The following CYP51A1 variants were observed in gnomAD, a reference collection of about 807,000 sequenced individuals.
CYP51A1 encodes lanosterol 14-alpha demethylase.
In CYP51A1, 45 loss-of-function variants were observed where a neutral mutation model predicts 53.5. That is an observed-to-expected ratio of 0.84 (90% CI 0.66 to 1.08). The LOEUF (loss-of-function observed/expected upper bound fraction) is 1.08. Among genes scored for constraint, CYP51A1 ranks in the 50% least tolerant of loss-of-function variants. CYP51A1 has a pLI of 0.00. For synonymous variants in CYP51A1, 181 were observed against 217.7 expected (o/e 0.83, Z 1.48); for missense variants, 462 against 621.7 (o/e 0.74, Z 2.73).
chr7:92,114,293 A>T (rs1819536571), intron 9 of CYP51A1, among the ~76,000 whole-genome samples: 1 of 152,196 alleles, frequency 6.6e-6, no homozygotes, highest in Non-Finnish European at 1.5e-5. Context: ...AGTCACACCC[A>T]TGTAGAAACT....
rs370995334 is a variant in CYP51A1 at position 92,117,288 on chromosome 7, A to T, written c.1183-76T>A. On this transcript the variant is annotated intron_variant, in intron 8 of 9. Coordinates refer to ENST00000003100, the MANE Select transcript of CYP51A1 (RefSeq NM_000786.4). ...AAATAATCAGATCATTGTGTAATAAAGCATGAATATACATGGGATACTCAG... is the reference window on the plus strand; with the variant it reads ...AAATAATCAGATCATTGTGTAATAATGCATGAATATACATGGGATACTCAG... 21 of 1,304,100 alleles carry T rather than the reference A, an allele frequency of 1.6e-5. 1 individual carries two copies. In the African/African-American group the frequency reaches 3.1e-4, roughly 19 times the overall value. The allele number at this position is 1,304,100 out of a possible 1,614,324, so 80.8% of individuals were successfully genotyped here.
chr7:92,120,292 G>T (rs1001360225), intron 7 of CYP51A1, among the ~76,000 whole-genome samples: 1 of 152,156 alleles, frequency 6.6e-6, no homozygotes, highest in South Asian at 2.1e-4. Flanking sequence ...AAAGGGACTA[G>T]GAGTAGATAA....
intron 7 of CYP51A1, 91 bp from the exon 8 acceptor site, chr7:92,118,706 C>T: frequency 1.3e-6 from 1 of 740,832 alleles, no homozygotes; most frequent in East Asian, 2.6e-5. Flanking sequence ...TACAAGACAG[C>T]TTGCATTCCA....
chr7:92,128,428 C>CTCTGTGTGTGTGTGTG lies in CYP51A1; in HGVS notation c.468+451_468+452insCACACACACACACAGA, dbSNP rs112952169. Among the ~76,000 whole-genome samples the CTCTGTGTGTGTGTGTG allele has an allele frequency of 5.8e-3, 824 of 143,106 alleles. 20 individuals are homozygous for CTCTGTGTGTGTGTGTG. The highest frequency in any genetic ancestry group is 0.019 in the African/African-American group (742 of 38,652). 93.9% of individuals were successfully genotyped at this position (143,106 alleles called of 152,430 possible). A position where few individuals can be genotyped will look rare whatever the true frequency, so the allele number is the denominator to read the frequency against. On this transcript the variant is annotated intron_variant, in intron 3 of 9. Coordinates refer to ENST00000003100, the MANE Select transcript of CYP51A1 (RefSeq NM_000786.4). ...TATTACATTTTTGTTTGGTTGGTTT[C>CTCTGTGTGTGTGTGTG]TGTGTGTGTGTGTGTGTGTGTGTGT... is the stretch of plus-strand genomic sequence containing the variant.
At position 92,123,203 on chromosome 7, in the gene CYP51A1, T is replaced by C; in HGVS notation, c.1003A>G (p.Arg335Gly). 6.2e-7 allele frequency: 1 copy of C among 1,614,046 alleles called. No homozygotes were observed. Among genetic ancestry groups the C allele is most frequent in the South Asian group, 1.1e-5 (1 of 91,082 alleles). The change falls in exon 7 of 10, where the codon AGA becomes GGA. Residue 335 changes from arginine to glycine, a missense_variant. Transcript: ENST00000003100. ...CATTTTTTTTGAAGTGTTTTGTCTC[T>C]GGCCAAAAAGAAGCCCATCCAAGCA... ...TSAWMGFFLA[R>G]DKTLQKKCYL...
rs1819731671 is a variant in CYP51A1, at chr7:92,123,436, T to A, written c.891-121A>T. ...GGTATAGTGGTCTCTTATATTTGAC[T>A]ATCACAAGTCAAGAGTTTTTTTTCT... is the stretch of plus-strand genomic sequence containing the variant. On this transcript the variant is annotated intron_variant, in intron 6 of 9. Coordinates refer to ENST00000003100, the MANE Select transcript of CYP51A1 (RefSeq NM_000786.4). 5 of 917,120 alleles carry A rather than the reference T, an allele frequency of 5.5e-6. No individual in the cohort carries two copies. The South Asian group carries it at 7.1e-5, about 13-fold the overall frequency. The allele number at this position is 917,120 out of a possible 1,614,324, so 56.8% of individuals were successfully genotyped here.
chr7:92,123,939 TA>T lies in CYP51A1; in HGVS notation c.771-87del, dbSNP rs1819743896. 7.0e-6 allele frequency: 8 copies of T among 1,145,360 alleles called. 1 individual carries two copies. Among genetic ancestry groups the T allele is most frequent in the Admixed American group, 2.9e-5 (1 of 33,974 alleles). The allele number at this position is 1,145,360 out of a possible 1,614,324, so 70.9% of individuals were successfully genotyped here. On this transcript the variant is annotated intron_variant, in intron 5 of 9. Coordinates refer to ENST00000003100, the MANE Select transcript of CYP51A1 (RefSeq NM_000786.4). ...TCATTTTGAGAACCAGGACCGAGCATAAAGCATCTTATTTAACCAACTTTAA... is the reference window on the plus strand; with the variant it reads ...TCATTTTGAGAACCAGGACCGAGCATAAGCATCTTATTTAACCAACTTTAA...
rs1819514113 is a variant in CYP51A1, at chr7:92,113,652, C to T, written c.*13G>A. On this transcript the variant is annotated 3_prime_UTR_variant, in exon 10 of 10. Coordinates refer to ENST00000003100, the MANE Select transcript of CYP51A1 (RefSeq NM_000786.4). ...CAGTGATAATCACATATATTCGTTC[C>T]TTGCAACCTTTTTCATTTTGATCTT... 1.2e-6 allele frequency: 2 copies of T among 1,610,302 alleles called. No individual in the cohort carries two copies. The highest frequency in any genetic ancestry group is 1.7e-6 in the Non-Finnish European group (2 of 1,178,914).
chr7:92,113,966 C>T (rs745475198), intron 9 of CYP51A1, 123 bp from the exon 10 acceptor site: 1 of 602,806 alleles, frequency 1.7e-6, no homozygotes, highest in Non-Finnish European at 2.8e-6. Flanking sequence ...AAAAAGATGA[C>T]ATTCTTTTCA....
chr7:92,134,095 A>T, intron 1 of CYP51A1, 78 bp downstream of exon 1: 2 of 1,444,174 alleles, frequency 1.4e-6, no homozygotes, highest in Admixed American at 1.9e-5. Context: ...GGTCGGGGCC[A>T]CGGAGCCGCC....
rs372552273 is a variant in CYP51A1 at position 92,131,889 on chromosome 7, T to A, written c.193-17A>T. The A allele has an allele frequency of 1.6e-4, 224 of 1,407,720 alleles. 1 individual carries two copies. In the African/African-American group the frequency reaches 2.9e-3, roughly 18 times the overall value. The allele number at this position is 1,407,720 out of a possible 1,614,324, so 87.2% of individuals were successfully genotyped here. Reference sequence around the variant, plus strand: ...AGGACTTTTCTACAAGAGAAAAAAATAGTAAATTCAATTCGTGTTTCATTT... The same window carrying A: ...AGGACTTTTCTACAAGAGAAAAAAAAAGTAAATTCAATTCGTGTTTCATTT... On this transcript the variant is annotated splice_polypyrimidine_tract_variant and intron_variant, in intron 1 of 9. Coordinates refer to ENST00000003100, the MANE Select transcript of CYP51A1 (RefSeq NM_000786.4).
chr7:92,117,199 T>C lies in CYP51A1; in HGVS notation c.1196A>G (p.Tyr399Cys). 6.2e-7 allele frequency: 1 copy of C among 1,613,052 alleles called. No homozygotes were observed. Among genetic ancestry groups the C allele is most frequent in the Non-Finnish European group, 8.5e-7 (1 of 1,179,688 alleles). The stretch of plus-strand genomic sequence containing the variant: ...CACCTGATGTCCTGGAGGAATGGTA[T>C]ACCCTGCCACAGTCTATAAACAAAA... The part of the protein sequence containing the change: ...MARTPQTVAG[Y>C]TIPPGHQVCV... The change falls in exon 9 of 10, where the codon TAT becomes TGT. Residue 399 changes from tyrosine to cysteine, a missense_variant. Physicochemically the swap from Tyr to Cys is radical, Grantham distance 194. Transcript: ENST00000003100.
In CYP51A1 at chr7:92,127,488, T is replaced by C. The variant is rs372117552; in HGVS notation, c.595+17A>G. ...AGAAGTAGAAATGTTAGGACAAACA[T>C]AAAACATTTTGCTTACTTTTTTCTC... On this transcript the variant is annotated intron_variant, in intron 4 of 9. Coordinates refer to ENST00000003100, the MANE Select transcript of CYP51A1 (RefSeq NM_000786.4). The C allele has an allele frequency of 1.8e-5, 29 of 1,602,482 alleles. No homozygotes were observed. Among genetic ancestry groups the C allele is most frequent in the South Asian group, 1.3e-4 (12 of 88,960 alleles).
In CYP51A1 at chr7:92,115,714, C is replaced by T. The variant is rs140779844; in HGVS notation, c.1351+1330G>A. ...AGACATTATATCTGTACTCAAATAC[C>T]TCATACAATATAAGTTCAGAGACTA... is the stretch of plus-strand genomic sequence containing the variant. On this transcript the variant is annotated intron_variant, in intron 9 of 9. Transcript: ENST00000003100. Among the ~76,000 whole-genome samples the T allele has an allele frequency of 3.9e-5, 6 of 151,902 alleles. No homozygotes were observed. The East Asian group carries it at 9.6e-4, about 24-fold the overall frequency.
rs538826307 is a variant in CYP51A1, at chr7:92,113,688, G to A, written c.1507C>T (p.Arg503Cys). ...TTTCATTTTGATCTTCGTTTGTAACGGATAACTGGGTTTTCAGGGGTGTGA... is the reference window on the plus strand; with the variant it reads ...TTTCATTTTGATCTTCGTTTGTAACAGATAACTGGGTTTTCAGGGGTGTGA... ...MIHTPENPVIRYKRRSK is the reference protein window; with the variant it reads ...MIHTPENPVICYKRRSK The change falls in exon 10 of 10, where the codon CGT becomes TGT. Residue 503 changes from arginine to cysteine, a missense_variant. Arg to Cys is a radical substitution (Grantham distance 180, BLOSUM62 -3). Transcript: ENST00000003100. 8.1e-6 allele frequency: 13 copies of A among 1,611,296 alleles called. No homozygotes were observed. Among genetic ancestry groups the A allele is most frequent in the Admixed American group, 5.0e-5 (3 of 59,762 alleles).
intron 7 of CYP51A1, among the ~76,000 whole-genome samples, chr7:92,118,838 T>G (rs1819629562): frequency 6.6e-6 from 1 of 152,126 alleles, no homozygotes; most frequent in African/African-American, 2.4e-5. Flanking sequence ...AGTAAGAACC[T>G]ACAAAAATTC....
At chr7:92,114,654 A>G (rs1819545792) in intron 9 of CYP51A1, among the ~76,000 whole-genome samples, 3 of 152,252 alleles carry the variant, frequency 2.0e-5, no homozygotes, top group Non-Finnish European at 2.9e-5. Context: ...TACTAATTCA[A>G]GAAGGGTCAC....
At position 92,128,451 on chromosome 7, in the gene CYP51A1, TGTGTGCGC is replaced by T. The variant is rs1461031641; in HGVS notation, c.468+421_468+428del. Among the ~76,000 whole-genome samples, 5 of 148,128 alleles carry T rather than the reference TGTGTGCGC, an allele frequency of 3.4e-5. No individual in the cohort carries two copies. In the East Asian group the frequency reaches 6.6e-4, roughly 19 times the overall value. On this transcript the variant is annotated intron_variant, in intron 3 of 9. Transcript: ENST00000003100. ...TTCTGTGTGTGTGTGTGTGTGTGTG[TGTGTGCGC>T]GTGCGTGTGTGTGTGTGTGTTTGGT...
intron 7 of CYP51A1, among the ~76,000 whole-genome samples, chr7:92,119,714 C>CA (rs1182147205): frequency 1.3e-5 from 2 of 152,010 alleles, no homozygotes; most frequent in Middle Eastern, 3.4e-3. Context: ...AAAAAAATTA[C>CA]AAAAAACACA....
Sources: allele counts gnomAD v4.1 joint callset (sites outside exome capture counted in the v4.1 genomes callset), GRCh38; gene constraint gnomAD v4.1.1; transcripts MANE v1.5; gene names NCBI Gene and HGNC (gene_info 2026-07-23, HGNC 2026-07-21).